CLSTN1: variants seen among roughly 807,000 people sequenced by gnomAD.
The protein encoded by CLSTN1 is calsyntenin 1.
Under a neutral mutation model 108.3 loss-of-function variants are expected in CLSTN1, and 28 were observed. The observed-to-expected ratio is 0.26, with a 90% CI of 0.19 to 0.35. The LOEUF (loss-of-function observed/expected upper bound fraction) is 0.35, where lower values mean the gene tolerates loss of function less well. Ranked by LOEUF, CLSTN1 falls within the 10% of genes least tolerant of loss-of-function variation. CLSTN1 has a pLI of 1.00. For synonymous variants in CLSTN1, 524 were observed against 534.9 expected (o/e 0.98, Z 0.28); for missense variants, 1,157 against 1,302.6 (o/e 0.89, Z 1.72).
At chr1:9,797,662 G>A (rs561120429) in intron 1 of CLSTN1, among the ~76,000 whole-genome samples, 2 of 152,038 alleles carry the variant, frequency 1.3e-5, no homozygotes, top group African/African-American at 2.4e-5. Flanking sequence ...AGAGAAGGCT[G>A]GCTGGTGGAG....
chr1:9,751,829 G>C, intron 4 of CLSTN1, 148 bp from the exon 5 acceptor site: 1 of 666,236 alleles, frequency 1.5e-6, no homozygotes, highest in Non-Finnish European at 2.6e-6. Context: ...ATATGATGAA[G>C]TCAAAAATTA....
At chr1:9,796,485 G>A (rs1278212472) in intron 1 of CLSTN1, among the ~76,000 whole-genome samples, 1 of 147,766 alleles carries the variant, frequency 6.8e-6, no homozygotes, top group Non-Finnish European at 1.5e-5. Flanking sequence ...GACCATCCTG[G>A]CTAACACATG....
At chr1:9,777,302 T>C (rs960347788) in intron 1 of CLSTN1, among the ~76,000 whole-genome samples, 1 of 149,192 alleles carries the variant, frequency 6.7e-6, no homozygotes, top group Non-Finnish European at 1.5e-5. Context: ...GGCGGATCAC[T>C]TGAAGTCAGG....
chr1:9,760,421 T>C (rs1652015805), intron 2 of CLSTN1, among the ~76,000 whole-genome samples: 1 of 152,126 alleles, frequency 6.6e-6, no homozygotes, highest in Admixed American at 6.6e-5. Context: ...GGTCAGCCAG[T>C]ACGCCTACCT....
intron 1 of CLSTN1, among the ~76,000 whole-genome samples, chr1:9,791,540 C>CT (rs916762391): frequency 9.9e-4 from 148 of 150,200 alleles, no homozygotes; most frequent in African/African-American, 2.7e-3. Context: ...GGCCCAAATC[C>CT]TTTTTTTTTG....
At chr1:9,788,867 CAAAAAAAAAAA>C (rs56093052) in intron 1 of CLSTN1, among the ~76,000 whole-genome samples, 1 of 76,278 alleles carries the variant, frequency 1.3e-5, no homozygotes, top group Non-Finnish European at 2.5e-5. Context: ...GACTCCGTCT[CAAAAAAAAAAA>C]AAAAAAAAAA....
rs1395651780 is a variant in CLSTN1 at position 9,743,725 on chromosome 1, T to G, written c.1356+159A>C. Reference sequence around the variant, plus strand: ...ACCATGCCCAGCTAATTTTCGTGGGTTTTTTTTTTTTTGTAGGGACAGGAT... The same window carrying G: ...ACCATGCCCAGCTAATTTTCGTGGGGTTTTTTTTTTTTGTAGGGACAGGAT... On this transcript the variant is annotated intron_variant, in intron 9 of 18. Transcript: ENST00000377298. Among the ~76,000 whole-genome samples, 16 of 127,116 alleles carry G rather than the reference T, an allele frequency of 1.3e-4. 1 individual carries two copies. The East Asian group carries it at 2.6e-3, about 21-fold the overall frequency. 83.4% of individuals were successfully genotyped at this position (127,116 alleles called of 152,430 possible).
chr1:9,790,140 A>T (rs1463252510), intron 1 of CLSTN1, among the ~76,000 whole-genome samples: 3 of 151,364 alleles, frequency 2.0e-5, no homozygotes, highest in Non-Finnish European at 2.9e-5. Context: ...CTGTAGGGTA[A>T]GTTTGTGTTG....
chr1:9,773,312 TG>T lies in CLSTN1; in HGVS notation c.173del (p.Pro58HisfsTer2). The T allele has an allele frequency of 6.2e-7, 1 of 1,613,948 alleles. No homozygotes were observed. Among genetic ancestry groups the T allele is most frequent in the Non-Finnish European group, 8.5e-7 (1 of 1,179,970 alleles). Reference sequence around the variant, plus strand: ...GCGCATCTTTATCCAGCGCGATCAGTGGGGGGTCGAGGAGCACGGTGTTGTC... The same window carrying T: ...GCGCATCTTTATCCAGCGCGATCAGTGGGGGTCGAGGAGCACGGTGTTGTC... Reference protein sequence around the residue: ...ENDNTVLLDPPLIALDKDAPL... With the variant: ...ENDNTVLLDPXLIALDKDAPL... On this transcript the variant is annotated frameshift_variant, in exon 2 of 19. Coordinates refer to ENST00000377298, the MANE Select transcript of CLSTN1 (RefSeq NM_001009566.3). LOFTEE classifies it high-confidence loss of function.
At chr1:9,739,024 T>C (rs1650839169) in intron 10 of CLSTN1, among the ~76,000 whole-genome samples, 1 of 152,150 alleles carries the variant, frequency 6.6e-6, no homozygotes, top group Admixed American at 6.5e-5. Flanking sequence ...CAAAAAGTAA[T>C]TAATGATGAT....
intron 1 of CLSTN1, among the ~76,000 whole-genome samples, chr1:9,787,402 ATTT>A (rs70998310): frequency 2.2e-5 from 3 of 136,570 alleles, no homozygotes; most frequent in Non-Finnish European, 3.1e-5. Flanking sequence ...GAGCCTTCTA[ATTT>A]TTTTTTTTTT....
chr1:9,796,545 G>T (rs372226965), intron 1 of CLSTN1, among the ~76,000 whole-genome samples: 1 of 150,716 alleles, frequency 6.6e-6, no homozygotes, highest in Non-Finnish European at 1.5e-5. Context: ...TTAGCCGGAC[G>T]TGGTGGCAGG....
chr1:9,758,732 C>T (rs971893463), intron 2 of CLSTN1, among the ~76,000 whole-genome samples: 7 of 152,180 alleles, frequency 4.6e-5, no homozygotes, highest in African/African-American at 1.7e-4. Flanking sequence ...CGGGTCAAAA[C>T]ATGTAAAGTG....
chr1:9,793,501 G>A (rs1653859384), intron 1 of CLSTN1, among the ~76,000 whole-genome samples: 2 of 151,500 alleles, frequency 1.3e-5, no homozygotes, highest in Non-Finnish European at 2.9e-5. Context: ...GGCGCTGACA[G>A]GTTTGCTGTG....
chr1:9,813,329 C>T (rs543572490), intron 1 of CLSTN1, among the ~76,000 whole-genome samples: 1 of 151,962 alleles, frequency 6.6e-6, no homozygotes, highest in South Asian at 2.1e-4. Context: ...GAAACCCTGT[C>T]GCTACTAAAA....
intron 2 of CLSTN1, among the ~76,000 whole-genome samples, chr1:9,765,299 G>A (rs376122271): frequency 2.6e-5 from 4 of 152,036 alleles, no homozygotes; most frequent in African/African-American, 9.7e-5. Flanking sequence ...CAGGAGAATC[G>A]CTTGAACCCA....
At chr1:9,775,664 C>CA (rs935122761) in intron 1 of CLSTN1, among the ~76,000 whole-genome samples, 3 of 152,132 alleles carry the variant, frequency 2.0e-5, no homozygotes, top group Admixed American at 2.0e-4. Context: ...ATTATAACCT[C>CA]AGACTATGAA....
At chr1:9,772,782 A>C (rs1370311040) in intron 2 of CLSTN1, among the ~76,000 whole-genome samples, 1 of 152,202 alleles carries the variant, frequency 6.6e-6, no homozygotes, top group Non-Finnish European at 1.5e-5. Flanking sequence ...TTCCTCTATA[A>C]AGACCGCTCA....
chr1:9,809,375 G>C (rs2101308752), intron 1 of CLSTN1, among the ~76,000 whole-genome samples: 1 of 152,264 alleles, frequency 6.6e-6, no homozygotes, highest in East Asian at 1.9e-4. Context: ...CTGCAGTCAG[G>C]CTCCTGTGCA....
Sources: gnomAD v4.1 joint callset for allele counts (sites outside exome capture counted in the v4.1 genomes callset) on GRCh38, gnomAD v4.1.1 for gene constraint, MANE v1.5 for transcripts, NCBI Gene and HGNC (gene_info 2026-07-23, HGNC 2026-07-21) for gene names.